The following ADCY3 variants were observed in gnomAD, a reference collection of about 807,000 sequenced individuals.
The protein encoded by ADCY3 is adenylate cyclase type 3.
A neutral mutation model predicts 119.4 loss-of-function variants in ADCY3; 70 were observed. The observed-to-expected ratio is 0.59, with a 90% confidence interval of 0.48 to 0.72. ADCY3 has a LOEUF of 0.72. ADCY3 is among the 30% of genes least tolerant of loss of function. The probability of loss-of-function intolerance (pLI) is 0.00; values close to 1 mark genes in which losing one functional copy is unlikely to be tolerated. For synonymous variants in ADCY3, 672 were observed against 621.4 expected (o/e 1.08, Z -1.21); for missense variants, 1,238 against 1,541.6 (o/e 0.80, Z 3.30).
intron 3 of ADCY3, among the ~76,000 whole-genome samples, chr2:24,851,258 C>A (rs766622340): frequency 6.6e-6 from 1 of 152,022 alleles, no homozygotes; most frequent in African/African-American, 2.4e-5. Flanking sequence ...AGACACACAG[C>A]CAAAATGGGG....
At chr2:24,866,557 C>G (rs1314449252) in intron 3 of ADCY3, among the ~76,000 whole-genome samples, 1 of 115,654 alleles carries the variant, frequency 8.6e-6, no homozygotes, top group Non-Finnish European at 1.7e-5. Flanking sequence ...AAAGCAAGAC[C>G]CTGTCTCAAA....
intron 18 of ADCY3, 43 bp from the exon 19 acceptor site, chr2:24,822,673 G>A (rs763435563): frequency 3.7e-5 from 60 of 1,607,964 alleles, no homozygotes; most frequent in Non-Finnish European, 5.0e-5. Context: ...AGTCAAGGGA[G>A]AGGAATGACC....
chr2:24,831,346 C>T, intron 12 of ADCY3, among the ~76,000 whole-genome samples: 1 of 152,212 alleles, frequency 6.6e-6, no homozygotes, highest in East Asian at 1.9e-4. Flanking sequence ...TCCAGCCGGC[C>T]CTCCACTTCC....
intron 2 of ADCY3, among the ~76,000 whole-genome samples, chr2:24,885,336 C>T (rs1676907117): frequency 6.6e-6 from 1 of 152,130 alleles, no homozygotes; most frequent in South Asian, 2.1e-4. Flanking sequence ...TATGGCGGGA[C>T]CAGGAGTGGA....
rs376346856 is a variant in ADCY3, at chr2:24,872,764, C to A, written c.676-45G>T. 6.9e-6 allele frequency: 11 copies of A among 1,591,052 alleles called. No individual in the cohort carries two copies. Among genetic ancestry groups the A allele is most frequent in the African/African-American group, 6.7e-5 (5 of 74,388 alleles). The stretch of plus-strand genomic sequence containing the variant: ...AGAGAAAAGGCCAGGGGTGAAGGCA[C>A]GTCTTCAGAAAAGGGGATGGAGAAG... On this transcript the variant is annotated intron_variant, in intron 2 of 21. Coordinates refer to ENST00000679454, the MANE Select transcript of ADCY3 (RefSeq NM_004036.5). The surrounding 1 kb of genome is among the most constrained non-coding windows in gnomAD (Gnocchi z 4.4).
chr2:24,880,339 C>A (rs543422145), intron 2 of ADCY3, among the ~76,000 whole-genome samples: 1 of 152,160 alleles, frequency 6.6e-6, no homozygotes, highest in Non-Finnish European at 1.5e-5. Context: ...TCCCCAGACA[C>A]GGAACATGGC....
chr2:24,821,229 A>C (rs1667650708), intron 20 of ADCY3: 2 of 454,318 alleles, frequency 4.4e-6, no homozygotes, highest in South Asian at 6.0e-5. Flanking sequence ...AGGCACAGCA[A>C]CCCCTCTGGA....
intron 3 of ADCY3, among the ~76,000 whole-genome samples, chr2:24,846,170 G>A (rs566772507): frequency 6.6e-6 from 1 of 152,332 alleles, no homozygotes; most frequent in Admixed American, 6.5e-5. Flanking sequence ...AGTCCCTACT[G>A]GGCCACTGCC....
intron 2 of ADCY3, among the ~76,000 whole-genome samples, chr2:24,881,796 C>T (rs919616488): frequency 6.2e-5 from 8 of 130,004 alleles, no homozygotes; most frequent in Admixed American, 1.4e-4. Context: ...AGCCCACCAC[C>T]GAGGCCATTC....
chr2:24,884,471 CTTTTTTTTTTT>C (rs1201387570), intron 2 of ADCY3, among the ~76,000 whole-genome samples: 3 of 97,860 alleles, frequency 3.1e-5, no homozygotes, highest in East Asian at 5.2e-4. Flanking sequence ...TTCTAATAAT[CTTTTTTTTTTT>C]TTTTTTTTTT....
chr2:24,829,751 A>G (rs1252940112), intron 13 of ADCY3, among the ~76,000 whole-genome samples: 1 of 149,562 alleles, frequency 6.7e-6, no homozygotes, highest in Non-Finnish European at 1.5e-5. Flanking sequence ...AAGTACAACA[A>G]TAACATTATA....
At chr2:24,906,998 GCA>G (rs1349984575) in intron 2 of ADCY3, among the ~76,000 whole-genome samples, 2 of 152,224 alleles carry the variant, frequency 1.3e-5, no homozygotes, top group African/African-American at 4.8e-5. Flanking sequence ...AGGCGTGGTG[GCA>G]CGCACCTGTA....
At position 24,834,819 on chromosome 2, in the gene ADCY3, G is replaced by T; in HGVS notation, c.1780C>A (p.Leu594Met). Reference sequence around the variant, plus strand: ...ACTTGGGCGGACTCTCGCTCAAGCAGGGCCTCGTTGAGCAGCTGGTTGAGC... The same window carrying T: ...ACTTGGGCGGACTCTCGCTCAAGCATGGCCTCGTTGAGCAGCTGGTTGAGC... ...HELNQLLNEALLERESAQVVK... is the reference protein window; with the variant it reads ...HELNQLLNEAMLERESAQVVK... The change falls in exon 10 of 22, where the codon CTG becomes ATG. Residue 594 changes from leucine (L) to methionine (M), a missense_variant. Transcript: ENST00000679454. The surrounding 1 kb of genome is among the most constrained non-coding windows in gnomAD (Gnocchi z 4.2). 1 of 1,613,894 alleles carries T rather than the reference G, an allele frequency of 6.2e-7. No individual in the cohort carries two copies. The highest frequency in any genetic ancestry group is 8.5e-7 in the Non-Finnish European group (1 of 1,179,978).
Position 24,853,190 on chromosome 2 carries a change from C to T in ADCY3, c.826-10806G>A, listed in dbSNP as rs1672589024. Among the ~76,000 whole-genome samples the T allele has an allele frequency of 2.0e-5, 3 of 152,198 alleles. No individual in the cohort carries two copies. The South Asian group carries it at 6.2e-4, about 32-fold the overall frequency. ...TGGGGTATAAGGAAGCTGCAGAAAA[C>T]AAGACCCTCAAAGCCAGTGCGATGT... On this transcript the variant is annotated intron_variant, in intron 3 of 21. Coordinates refer to ENST00000679454, the MANE Select transcript of ADCY3 (RefSeq NM_004036.5).
chr2:24,826,497 A>G (rs1668639967), intron 15 of ADCY3: 1 of 195,724 alleles, frequency 5.1e-6, no homozygotes. Flanking sequence ...GGACTGGGGT[A>G]CAATCTCACC....
At chr2:24,897,320 T>C (rs1678402904) in intron 2 of ADCY3, among the ~76,000 whole-genome samples, 1 of 151,838 alleles carries the variant, frequency 6.6e-6, no homozygotes, top group Non-Finnish European at 1.5e-5. Flanking sequence ...TCTCTCTTTC[T>C]GGGACTTCTT....
At chr2:24,860,498 C>A (rs752216731) in intron 3 of ADCY3, among the ~76,000 whole-genome samples, 1 of 152,224 alleles carries the variant, frequency 6.6e-6, no homozygotes, top group Non-Finnish European at 1.5e-5. Flanking sequence ...AGCTCCAAAT[C>A]CACAAGGCCT....
chr2:24,821,107 T>C (rs1572767235), intron 20 of ADCY3: 1 of 489,840 alleles, frequency 2.0e-6, no homozygotes, highest in African/African-American at 2.0e-5. Context: ...ACACAGCTGG[T>C]ATTTCAAGTC....
intron 21 of ADCY3, 183 bp from the exon 22 acceptor site, chr2:24,820,297 C>A (rs1667396557): frequency 1.5e-6 from 2 of 1,304,050 alleles, no homozygotes; most frequent in South Asian, 2.1e-5. Context: ...GGAAGGAGAA[C>A]CCTGGAGTGA....
Sources: gnomAD v4.1 joint callset for allele counts (sites outside exome capture counted in the v4.1 genomes callset) on GRCh38, gnomAD v4.1.1 for gene constraint, Gnocchi (gnomAD v3.1) non-coding constraint, MANE v1.5 for transcripts, NCBI Gene and HGNC (gene_info 2026-07-23, HGNC 2026-07-21) for gene names.